Variants in PLCB1 observed in about 807,000 individuals in gnomAD.
PLCB1 encodes the protein phospholipase C beta 1.
A neutral mutation model predicts 161.8 loss-of-function variants in PLCB1; 46 were observed. The ratio of observed to expected loss-of-function variants is 0.28; its 90% CI spans 0.22 to 0.36. The LOEUF (loss-of-function observed/expected upper bound fraction) is 0.36. Among genes scored for constraint, PLCB1 ranks in the 10% least tolerant of loss-of-function variants. The pLI is 1.00. For missense variants in PLCB1, 1,016 were observed against 1,472.5 expected, an observed-to-expected ratio of 0.69 and a Z score of 5.07; for synonymous variants, 517 against 503.7, an observed-to-expected ratio of 1.03 and a Z score of -0.35.
intron 31 of PLCB1, among the ~76,000 whole-genome samples, chr20:8,874,788 T>C (rs1008604131): frequency 6.6e-6 from 1 of 152,106 alleles, no homozygotes. Flanking sequence ...AATGCTATTT[T>C]TCCTGTACAA....
In PLCB1 at chr20:8,628,398, G is replaced by C; in HGVS notation, c.351G>C (p.Leu117Phe). Residue 117 changes from leucine (L) to phenylalanine (F), a missense_variant, in exon 4 of 32, where the codon TTG (leucine) becomes TTC (phenylalanine). Transcript: ENST00000338037. ...YGPDLVNISH[L>F]NLVAFQEEVA... Reference sequence around the variant, plus strand: ...CTGACCTCGTGAACATCTCCCATTTGAATCTCGTGGCTTTCCAAGAAGAAG... The same window carrying C: ...CTGACCTCGTGAACATCTCCCATTTCAATCTCGTGGCTTTCCAAGAAGAAG... The C allele has an allele frequency of 6.2e-7, 1 of 1,614,110 alleles. No individual in the cohort carries two copies. The highest frequency in any genetic ancestry group is 8.5e-7 in the Non-Finnish European group (1 of 1,180,010).
At chr20:8,827,096 A>G in intron 31 of PLCB1, among the ~76,000 whole-genome samples, 1 of 152,206 alleles carries the variant, frequency 6.6e-6, no homozygotes. Flanking sequence ...ACCACCATAA[A>G]AGTTTAAGTT....
chr20:8,658,935 A>G (rs1989546625), intron 9 of PLCB1, among the ~76,000 whole-genome samples: 1 of 152,122 alleles, frequency 6.6e-6, no homozygotes, highest in African/African-American at 2.4e-5. Flanking sequence ...ACATATTTTT[A>G]AAATGTCTAA....
Position 8,240,796 on chromosome 20 carries a change from T to G in PLCB1, c.177+90425T>G, listed in dbSNP as rs1600255915. On this transcript the variant is annotated intron_variant, in intron 2 of 31. Coordinates refer to ENST00000338037, the MANE Select transcript of PLCB1 (RefSeq NM_015192.4). ...CAAATATCCTATTTCCTTTATAGAT[T>G]TCTAGTGTCTACATCAAATTTTTTC... Among the ~76,000 whole-genome samples, 4 of 152,102 alleles carry G rather than the reference T, an allele frequency of 2.6e-5. No individual in the cohort carries two copies. In the Middle Eastern group the frequency reaches 0.01, roughly 388 times the overall value.
chr20:8,636,854 A>C (rs1600214340), intron 4 of PLCB1, among the ~76,000 whole-genome samples: 1 of 152,212 alleles, frequency 6.6e-6, no homozygotes, highest in East Asian at 1.9e-4. Context: ...CCCCTGAAAG[A>C]GAAAACAGAA....
At chr20:8,385,545 G>A (rs1987401635) in intron 3 of PLCB1, among the ~76,000 whole-genome samples, 1 of 152,218 alleles carries the variant, frequency 6.6e-6, no homozygotes, top group South Asian at 2.1e-4. Flanking sequence ...GGTGCTGGTG[G>A]CCCCTCCCCC....
intron 2 of PLCB1, among the ~76,000 whole-genome samples, chr20:8,351,342 A>G (rs1382473580): frequency 6.6e-6 from 1 of 152,128 alleles, no homozygotes; most frequent in East Asian, 1.9e-4. Context: ...AATTAACTCA[A>G]AATGAGTCAT....
chr20:8,805,058 G>A (rs1403317235), intron 31 of PLCB1, among the ~76,000 whole-genome samples: 1 of 148,664 alleles, frequency 6.7e-6, no homozygotes, highest in Non-Finnish European at 1.5e-5. Context: ...GCTGTCATGT[G>A]TTTGCCAAAG....
intron 23 of PLCB1, chr20:8,751,654 G>A (rs1441820326): frequency 6.6e-6 from 1 of 152,004 alleles, no homozygotes; most frequent in Non-Finnish European, 1.5e-5. Context: ...GTCCACTAGA[G>A]GGCAGGAACT....
intron 3 of PLCB1, among the ~76,000 whole-genome samples, chr20:8,558,488 G>A (rs2123015242): frequency 6.6e-6 from 1 of 151,834 alleles, no homozygotes; most frequent in South Asian, 2.1e-4. Flanking sequence ...GTCTCAGGAA[G>A]TGAGGAGAGA....
intron 2 of PLCB1, among the ~76,000 whole-genome samples, chr20:8,322,802 C>T (rs578118341): frequency 6.6e-6 from 1 of 152,220 alleles, no homozygotes; most frequent in Admixed American, 6.5e-5. Flanking sequence ...CAGAACTCTC[C>T]CTTGCTTGGT....
chr20:8,744,709 C>T (rs146571408), intron 23 of PLCB1, among the ~76,000 whole-genome samples: 8 of 150,220 alleles, frequency 5.3e-5, no homozygotes, highest in African/African-American at 2.0e-4. Context: ...GGCCCCGATT[C>T]GATATAGCAA....
intron 9 of PLCB1, among the ~76,000 whole-genome samples, chr20:8,677,273 C>T (rs1990106343): frequency 6.6e-6 from 1 of 151,974 alleles, no homozygotes; most frequent in South Asian, 2.1e-4. Context: ...TGGTGCATGC[C>T]TGTAATCCCA....
chr20:8,666,667 A>G lies in PLCB1; in HGVS notation c.862+7963A>G, dbSNP rs139438656. On this transcript the variant is annotated intron_variant, in intron 9 of 31. Transcript: ENST00000338037. ...CGCTACTCCAGACATCCACCTAGGCACTCCAACAGGACTTGCTTAGAAAAA... is the reference window on the plus strand; with the variant it reads ...CGCTACTCCAGACATCCACCTAGGCGCTCCAACAGGACTTGCTTAGAAAAA... Among the ~76,000 whole-genome samples, 178 of 152,282 alleles carry G rather than the reference A, an allele frequency of 1.2e-3. 2 individuals carry two copies. The highest frequency in any genetic ancestry group is 6.5e-4 in the Non-Finnish European group (44 of 68,026).
At chr20:8,312,564 C>T (rs1029110587) in intron 2 of PLCB1, among the ~76,000 whole-genome samples, 6 of 152,072 alleles carry the variant, frequency 3.9e-5, no homozygotes, top group South Asian at 2.1e-4. Context: ...CTACTGCATG[C>T]GGTGCTTGGG....
chr20:8,417,215 T>A (rs1235882788), intron 3 of PLCB1, among the ~76,000 whole-genome samples: 2 of 149,068 alleles, frequency 1.3e-5, no homozygotes, highest in African/African-American at 4.9e-5. Context: ...GCCTCCTGAG[T>A]AGCTGGGACT....
At chr20:8,242,696 C>T (rs1980684338) in intron 2 of PLCB1, among the ~76,000 whole-genome samples, 1 of 151,742 alleles carries the variant, frequency 6.6e-6, no homozygotes, top group Non-Finnish European at 1.5e-5. Context: ...CAAGAAGTTA[C>T]CTTGAAAGAA....
intron 2 of PLCB1, among the ~76,000 whole-genome samples, chr20:8,298,534 A>G (rs1173006829): frequency 1.3e-5 from 2 of 151,706 alleles, no homozygotes; most frequent in Non-Finnish European, 2.9e-5. Context: ...AAATATACTG[A>G]AAAAAACCTT....
Position 8,166,498 on chromosome 20 carries a change from G to A in PLCB1, c.177+16127G>A, listed in dbSNP as rs976187487. 4.6e-5 allele frequency among the ~76,000 whole-genome samples: 7 copies of A among 152,058 alleles called. No homozygotes were observed. The South Asian group carries it at 1.0e-3, about 23-fold the overall frequency. ...CAGTCCTTCTCTACTCACATGTTAG[G>A]GAATCTCACCTGCACTTAAAACTTA... On this transcript the variant is annotated intron_variant, in intron 2 of 31. Transcript: ENST00000338037.
Sources: gnomAD v4.1 joint callset for allele counts (sites outside exome capture counted in the v4.1 genomes callset) on GRCh38, gnomAD v4.1.1 for gene constraint, MANE v1.5 for transcripts, NCBI Gene and HGNC (gene_info 2026-07-23, HGNC 2026-07-21) for gene names.